Variants in PTPN4 observed in about 807,000 individuals in gnomAD.
PTPN4 encodes the protein protein tyrosine phosphatase non-receptor type 4, also known as tyrosine-protein phosphatase non-receptor type 4.
PTPN4 carries 49 observed loss-of-function variants against 135.5 expected under a neutral mutation model. The observed-to-expected ratio is 0.36, with a 90% CI of 0.29 to 0.46. The LOEUF is 0.46. Among genes scored for constraint, PTPN4 ranks in the 20% least tolerant of loss-of-function variants. PTPN4 has a pLI of 1.00. For missense variants in PTPN4, 860 were observed against 1,101.0 expected, an observed-to-expected ratio of 0.78 and a Z score of 3.10; for synonymous variants, 333 against 369.9, an observed-to-expected ratio of 0.90 and a Z score of 1.14.
At chr2:119,847,442 C>T (rs1449426599) in intron 2 of PTPN4, among the ~76,000 whole-genome samples, 7 of 151,534 alleles carry the variant, frequency 4.6e-5, no homozygotes, top group Non-Finnish European at 8.8e-5. Flanking sequence ...ATTTTCCTGC[C>T]TCAGCCTCCT....
At chr2:119,971,237 A>G (rs1679529452) in intron 26 of PTPN4, among the ~76,000 whole-genome samples, 1 of 151,098 alleles carries the variant, frequency 6.6e-6, no homozygotes, top group Non-Finnish European at 1.5e-5. Flanking sequence ...GGAGAGAGAC[A>G]GAGAAAGAAG....
At chr2:119,818,725 A>G (rs772350372) in intron 2 of PTPN4, among the ~76,000 whole-genome samples, 5 of 152,228 alleles carry the variant, frequency 3.3e-5, no homozygotes, top group Non-Finnish European at 7.3e-5. Flanking sequence ...AGTGAATTAT[A>G]TTATGGCAGG....
intron 1 of PTPN4, among the ~76,000 whole-genome samples, chr2:119,770,188 T>C (rs1163848041): frequency 6.6e-6 from 1 of 152,218 alleles, no homozygotes; most frequent in African/African-American, 2.4e-5. Context: ...TCATCAAGAT[T>C]ATTGTTCTTT....
intron 9 of PTPN4, among the ~76,000 whole-genome samples, chr2:119,896,419 A>G (rs1678324411): frequency 6.6e-6 from 1 of 152,214 alleles, no homozygotes; most frequent in Non-Finnish European, 1.5e-5. Context: ...ATTTTACTTG[A>G]TCACATATTC....
rs376514652 is a variant in PTPN4, at chr2:119,876,007, C to G, written c.247-1316C>G. Among the ~76,000 whole-genome samples the G allele has an allele frequency of 7.9e-5, 12 of 152,112 alleles. No individual in the cohort carries two copies. In the East Asian group the frequency reaches 1.4e-3, roughly 17 times the overall value. The stretch of plus-strand genomic sequence containing the variant: ...GTGGCAGGCTTTAAGCTGAGACTTA[C>G]GGATAATGAAGAGTACTGTAGGAAA... On this transcript the variant is annotated intron_variant, in intron 3 of 26. Coordinates refer to ENST00000263708, the MANE Select transcript of PTPN4 (RefSeq NM_002830.4).
intron 10 of PTPN4, among the ~76,000 whole-genome samples, chr2:119,910,276 A>G (rs900663145): frequency 2.0e-5 from 3 of 152,152 alleles, no homozygotes; most frequent in Non-Finnish European, 4.4e-5. Context: ...TCATTATAGT[A>G]TATCGAACTC....
intron 2 of PTPN4, among the ~76,000 whole-genome samples, chr2:119,850,528 T>C (rs1418793547): frequency 2.0e-5 from 3 of 152,230 alleles, no homozygotes; most frequent in African/African-American, 7.2e-5. Context: ...CTGCCTCTCC[T>C]ATATCCCTTG....
intron 22 of PTPN4, 120 bp from the exon 23 acceptor site, chr2:119,960,687 T>C (rs1401505099): frequency 1.4e-5 from 11 of 814,208 alleles, no homozygotes; most frequent in Non-Finnish European, 1.7e-5. Flanking sequence ...TTTGTTTTAC[T>C]GACGGCAGTT....
At chr2:119,938,111 T>A (rs959505096) in intron 15 of PTPN4, among the ~76,000 whole-genome samples, 2 of 149,360 alleles carry the variant, frequency 1.3e-5, no homozygotes, top group East Asian at 2.0e-4. Context: ...TACTTTTTTT[T>A]AAATGTGGGA....
intron 2 of PTPN4, among the ~76,000 whole-genome samples, chr2:119,826,218 T>G (rs1677143985): frequency 6.6e-6 from 1 of 152,208 alleles, no homozygotes; most frequent in Non-Finnish European, 1.5e-5. Flanking sequence ...AGAACACATT[T>G]TCCTATTTGT....
chr2:119,873,872 A>G (rs1449337516), intron 3 of PTPN4, among the ~76,000 whole-genome samples: 1 of 152,196 alleles, frequency 6.6e-6, no homozygotes, highest in African/African-American at 2.4e-5. Flanking sequence ...ATGCTCATTT[A>G]TATAAGAACA....
chr2:119,895,109 T>C (rs113034356), intron 9 of PTPN4, among the ~76,000 whole-genome samples: 2 of 152,320 alleles, frequency 1.3e-5, no homozygotes, highest in African/African-American at 4.8e-5. Context: ...TCTCTGAGAA[T>C]GAGGGAAGGA....
chr2:119,854,074 T>C (rs983917951), intron 2 of PTPN4, among the ~76,000 whole-genome samples: 2 of 152,190 alleles, frequency 1.3e-5, no homozygotes, highest in South Asian at 2.1e-4. Context: ...CTGATTTGCA[T>C]AGGGCTCAGG....
intron 12 of PTPN4, among the ~76,000 whole-genome samples, chr2:119,923,660 T>C (rs1678770022): frequency 6.6e-6 from 1 of 152,022 alleles, no homozygotes; most frequent in African/African-American, 2.4e-5. Flanking sequence ...AAAATAACTT[T>C]TTATCAGGTA....
intron 1 of PTPN4, among the ~76,000 whole-genome samples, chr2:119,763,961 C>G (rs748817319): frequency 2.2e-4 from 34 of 152,270 alleles, no homozygotes; most frequent in Non-Finnish European, 4.0e-4. Flanking sequence ...TCAGTCTAAT[C>G]TGGTGTGAAA....
At chr2:119,846,912 C>A (rs1450284123) in intron 2 of PTPN4, among the ~76,000 whole-genome samples, 1 of 150,916 alleles carries the variant, frequency 6.6e-6, no homozygotes, top group East Asian at 1.9e-4. Context: ...TGCTATTATT[C>A]TTATATATAC....
intron 2 of PTPN4, among the ~76,000 whole-genome samples, chr2:119,810,458 G>A (rs1691557334): frequency 1.3e-5 from 2 of 152,096 alleles, no homozygotes; most frequent in Non-Finnish European, 1.5e-5. Flanking sequence ...TTTGCTCATC[G>A]TTATTTGTGA....
At chr2:119,921,922 C>A (rs538903991) in intron 12 of PTPN4, among the ~76,000 whole-genome samples, 1 of 152,190 alleles carries the variant, frequency 6.6e-6, no homozygotes, top group South Asian at 2.1e-4. Flanking sequence ...ATTCTTTTTT[C>A]TCCTCTTTGT....
chr2:119,863,731 AAAAC>A (rs1196450257), intron 3 of PTPN4, among the ~76,000 whole-genome samples: 1 of 152,142 alleles, frequency 6.6e-6, no homozygotes, highest in Non-Finnish European at 1.5e-5. Context: ...GACACAAAGA[AAAAC>A]AAACCAAGGG....
Sources: allele counts gnomAD v4.1 joint callset (sites outside exome capture counted in the v4.1 genomes callset), GRCh38; gene constraint gnomAD v4.1.1; transcripts MANE v1.5; gene names NCBI Gene and HGNC (gene_info 2026-07-23, HGNC 2026-07-21).